Variants in CPS1 observed in about 807,000 individuals in gnomAD.
CPS1 encodes the protein carbamoyl-phosphate synthase 1, also known as carbamoyl-phosphate synthase [ammonia], mitochondrial.
Under a neutral mutation model 174.6 loss-of-function variants are expected in CPS1, and 109 were observed. That is an observed-to-expected ratio of 0.62 (90% CI 0.53 to 0.73). CPS1 has a LOEUF of 0.73. Among genes scored for constraint, CPS1 ranks in the 30% least tolerant of loss-of-function variants. The probability of loss-of-function intolerance (pLI) is 0.00; values close to 1 mark genes in which losing one functional copy is unlikely to be tolerated. For synonymous variants in CPS1, 637 were observed against 632.0 expected, an observed-to-expected ratio of 1.01 and a Z score of -0.12; for missense variants, 1,689 against 1,821.9, an observed-to-expected ratio of 0.93 and a Z score of 1.33.
At chr2:210,667,119 C>T (rs1183916691) in intron 33 of CPS1, among the ~76,000 whole-genome samples, 1 of 151,748 alleles carries the variant, frequency 6.6e-6, no homozygotes, top group East Asian at 1.9e-4. Flanking sequence ...CATGATTTGG[C>T]TCTCTGTTTG....
In CPS1 at chr2:210,642,829, A is replaced by G. The variant is rs138616643; in HGVS notation, c.3141+164A>G. On this transcript the variant is annotated intron_variant, in intron 25 of 37. Coordinates refer to ENST00000233072, the MANE Select transcript of CPS1 (RefSeq NM_001875.5). The stretch of plus-strand genomic sequence containing the variant: ...TTATTTTGTAGTAAAACTCTAAAAA[A>G]AATCACTCCATTCTTATATTTTTGA... Among the ~76,000 whole-genome samples, 668 of 152,328 alleles carry G rather than the reference A, an allele frequency of 4.4e-3. 7 individuals carry two copies. Among genetic ancestry groups the G allele is most frequent in the African/African-American group, 0.015 (614 of 41,568 alleles).
intron 1 of CPS1, among the ~76,000 whole-genome samples, chr2:210,507,151 G>A (rs1409783015): frequency 3.3e-5 from 5 of 152,234 alleles, no homozygotes; most frequent in Admixed American, 2.6e-4. Flanking sequence ...CCCATAAAGG[G>A]AAGCCTATCA....
chr2:210,523,161 T>G (rs976411382), intron 1 of CPS1, among the ~76,000 whole-genome samples: 1 of 152,012 alleles, frequency 6.6e-6, no homozygotes, highest in Non-Finnish European at 1.5e-5. Flanking sequence ...GCATGGGCTA[T>G]GTAATGTGAA....
chr2:210,508,171 A>G (rs1695343295), intron 1 of CPS1, among the ~76,000 whole-genome samples: 1 of 150,154 alleles, frequency 6.7e-6, no homozygotes, highest in African/African-American at 2.4e-5. Context: ...AAATTATAAC[A>G]AACTGTCTCT....
chr2:210,485,728 G>A (rs1694698656), intron 1 of CPS1, among the ~76,000 whole-genome samples: 1 of 152,204 alleles, frequency 6.6e-6, no homozygotes, highest in South Asian at 2.1e-4. Context: ...TACAAATAAA[G>A]CTACAAGTAA....
At chr2:210,630,863 C>T (rs12468557) in intron 21 of CPS1, among the ~76,000 whole-genome samples, 46,672 of 151,850 alleles carry the variant, frequency 0.31, 7,750 homozygotes, top group Middle Eastern at 0.41. Flanking sequence ...GTCTTGAACC[C>T]GTGAAACGCC....
chr2:210,567,091 G>T (rs903788553), intron 1 of CPS1, among the ~76,000 whole-genome samples: 3 of 151,998 alleles, frequency 2.0e-5, no homozygotes, highest in Non-Finnish European at 4.4e-5. Context: ...AATGGCAGAA[G>T]GTAGAAATAG....
At chr2:210,666,644 C>T (rs1017823487) in intron 33 of CPS1, among the ~76,000 whole-genome samples, 13 of 152,072 alleles carry the variant, frequency 8.5e-5, no homozygotes, top group Non-Finnish European at 1.3e-4. Context: ...TGTAGATATG[C>T]GGCGTTATTT....
chr2:210,544,413 G>C (rs1217539125), intron 1 of CPS1, among the ~76,000 whole-genome samples: 4 of 152,058 alleles, frequency 2.6e-5, no homozygotes, highest in African/African-American at 9.7e-5. Flanking sequence ...CTCAGCCACT[G>C]TAATAGAATG....
intron 1 of CPS1, among the ~76,000 whole-genome samples, chr2:210,505,678 T>A (rs1695259258): frequency 6.6e-6 from 1 of 152,084 alleles, no homozygotes; most frequent in Non-Finnish European, 1.5e-5. Flanking sequence ...GAAAATTGGG[T>A]CACTCCCACC....
intron 1 of CPS1, among the ~76,000 whole-genome samples, chr2:210,538,119 T>A (rs1312000459): frequency 6.6e-6 from 1 of 152,186 alleles, no homozygotes; most frequent in Non-Finnish European, 1.5e-5. Context: ...TGTGGCAGGA[T>A]TTGAAATAGG....
chr2:210,664,913 G>C (rs928865746), intron 33 of CPS1, among the ~76,000 whole-genome samples: 1 of 152,122 alleles, frequency 6.6e-6, no homozygotes, highest in African/African-American at 2.4e-5. Context: ...GTGTCCAAAT[G>C]GCTTGTTGTA....
In CPS1 at chr2:210,577,303, A is replaced by G. The variant is rs565769795; in HGVS notation, c.382-118A>G. On this transcript the variant is annotated intron_variant, in intron 3 of 37. Transcript: ENST00000233072. ...TTTTTTTTTTGCCTCTTGTTTTTAA[A>G]AATCCTAAGTCTCATGTCAGTGGAT... is the stretch of plus-strand genomic sequence containing the variant. The G allele has an allele frequency of 2.7e-5, 22 of 804,916 alleles. 1 individual carries two copies. The African/African-American group carries it at 3.1e-4, about 11-fold the overall frequency. 49.9% of individuals were successfully genotyped at this position (804,916 alleles called of 1,614,324 possible). A position where few individuals can be genotyped will look rare whatever the true frequency, so the allele number is the denominator to read the frequency against.
intron 1 of CPS1, among the ~76,000 whole-genome samples, chr2:210,547,292 T>C (rs1189791265): frequency 6.6e-6 from 1 of 152,188 alleles, no homozygotes; most frequent in Non-Finnish European, 1.5e-5. Context: ...TGATTTTCAT[T>C]GAAATTAATT....
intron 1 of CPS1, among the ~76,000 whole-genome samples, chr2:210,523,748 T>C (rs1695890748): frequency 6.6e-6 from 1 of 152,018 alleles, no homozygotes; most frequent in Non-Finnish European, 1.5e-5. Context: ...TGAATGTTCA[T>C]GCAGGCACAT....
intron 33 of CPS1, among the ~76,000 whole-genome samples, chr2:210,664,379 G>A (rs1249964985): frequency 6.6e-6 from 1 of 150,734 alleles, no homozygotes; most frequent in Non-Finnish European, 1.5e-5. Flanking sequence ...CGCTCTTGTT[G>A]CCCAGGCTGG....
At position 210,606,887 on chromosome 2, in the gene CPS1, T is replaced by C. The variant is rs1559102883; in HGVS notation, c.2138T>C (p.Ile713Thr). ...LHPTSMEYCI[I>T]EVNARLSRSS... is the part of the protein sequence containing the mutation. ...CCTACCTCAATGGAATACTGCATCA[T>C]TGAAGTGAATGCCAGACTGTCCCGA... The change falls in exon 18 of 38, where the codon ATT (isoleucine) becomes ACT (threonine). Residue 713 changes from isoleucine (I) to threonine (T), a missense_variant. Ile to Thr is a moderately conservative substitution (Grantham distance 89). Transcript: ENST00000233072. 2 of 1,612,510 alleles carry C rather than the reference T, an allele frequency of 1.2e-6. No homozygotes were observed. The highest frequency in any genetic ancestry group is 1.7e-6 in the Non-Finnish European group (2 of 1,179,098).
At chr2:210,554,205 A>G (rs569268490), upstream of CPS1, among the ~76,000 whole-genome samples, 33 of 135,790 alleles carry the variant, frequency 2.4e-4, no homozygotes, top group African/African-American at 9.0e-4. Context: ...ATATATATGT[A>G]TGTATATATA....
In CPS1 at chr2:210,658,702, A is replaced by C. The variant is rs771430083; in HGVS notation, c.3756+14A>C. 2 of 1,591,176 alleles carry C rather than the reference A, an allele frequency of 1.3e-6. No homozygotes were observed. The highest frequency in any genetic ancestry group is 1.1e-5 in the South Asian group (1 of 90,616). On this transcript the variant is annotated intron_variant, in intron 31 of 37. Coordinates refer to ENST00000233072, the MANE Select transcript of CPS1 (RefSeq NM_001875.5). ...AATGATGTCTTGGTAAGAAATGCCA[A>C]GGTGCCTGAGAGGACACCACCACTG... is the stretch of plus-strand genomic sequence containing the variant.
Sources: allele counts gnomAD v4.1 joint callset (sites outside exome capture counted in the v4.1 genomes callset), GRCh38; gene constraint gnomAD v4.1.1; transcripts MANE v1.5; gene names NCBI Gene and HGNC (gene_info 2026-07-23, HGNC 2026-07-21).